ZKSCAN8: variants seen among roughly 807,000 people sequenced by gnomAD.
The protein encoded by ZKSCAN8 is zinc finger protein with KRAB and SCAN domains 8.
A neutral mutation model predicts 57.2 loss-of-function variants in ZKSCAN8; 27 were observed. That is an observed-to-expected ratio of 0.47 (90% CI 0.35 to 0.65). The LOEUF (loss-of-function observed/expected upper bound fraction) is 0.65, where lower values mean the gene tolerates loss of function less well. Among genes scored for constraint, ZKSCAN8 ranks in the 30% least tolerant of loss-of-function variants. ZKSCAN8 has a pLI of 0.01. For missense variants in ZKSCAN8, 597 were observed against 696.3 expected, an observed-to-expected ratio of 0.86 and a Z score of 1.60; for synonymous variants, 214 against 248.7, an observed-to-expected ratio of 0.86 and a Z score of 1.31.
chr6:28,153,403 G>A lies in ZKSCAN8; in HGVS notation c.1123G>A (p.Val375Ile). Residue 375 changes from valine (V) to isoleucine (I), a missense_variant, in exon 6 of 6, where the codon GTA becomes ATA. Val to Ile is a conservative substitution (Grantham distance 29). Transcript: ENST00000330236. Reference sequence around the variant, plus strand: ...TTCACATCAGGATATCCACAACAAAGTAAAACGCTATCACTGTAAGGAGTG... The same window carrying A: ...TTCACATCAGGATATCCACAACAAAATAAAACGCTATCACTGTAAGGAGTG... ...LLSHQDIHNK[V>I]KRYHCKECGK... The A allele has an allele frequency of 6.2e-7, 1 of 1,614,112 alleles. No homozygotes were observed. The highest frequency in any genetic ancestry group is 1.1e-5 in the South Asian group (1 of 91,086).
At chr6:28,149,051 G>A (rs1324352854) in intron 2 of ZKSCAN8, among the ~76,000 whole-genome samples, 2 of 152,116 alleles carry the variant, frequency 1.3e-5, no homozygotes, top group East Asian at 3.9e-4. Context: ...TATTGTTCTT[G>A]TTTGCCAGAT....
Position 28,157,247 on chromosome 6 carries a change from C to T in ZKSCAN8, c.*3230C>T, listed in dbSNP as rs1052149454. On this transcript the variant is annotated 3_prime_UTR_variant, in exon 6 of 6. Transcript: ENST00000330236. ...CGTCCGATCTTGTGAGACTTATTCACTATCACAAGAACAGCACAGGAAAGT... is the reference window on the plus strand; with the variant it reads ...CGTCCGATCTTGTGAGACTTATTCATTATCACAAGAACAGCACAGGAAAGT... 1 of 152,180 alleles carries T rather than the reference C, an allele frequency of 6.6e-6. No homozygotes were observed. Among genetic ancestry groups the T allele is most frequent in the East Asian group, 1.9e-4 (1 of 5,198 alleles). 9.4% of individuals were successfully genotyped at this position (152,180 alleles called of 1,614,324 possible).
At chr6:28,152,924 A>G in intron 5 of ZKSCAN8, 132 bp from the exon 6 acceptor site, 1 of 1,271,216 alleles carries the variant, frequency 7.9e-7, no homozygotes, top group African/African-American at 1.5e-5. Flanking sequence ...TATTTTGGAG[A>G]CAGAAGTTTT....
rs1022093007 is a variant in ZKSCAN8, at chr6:28,156,762, C to T, written c.*2745C>T. On this transcript the variant is annotated 3_prime_UTR_variant, in exon 6 of 6. Coordinates refer to ENST00000330236, the MANE Select transcript of ZKSCAN8 (RefSeq NM_006298.4). ...TACTTTCTCCTCCCATCCTAAGCTT[C>T]TCATTTTAGGAACTGACATGATAAG... 6.6e-6 allele frequency: 1 copy of T among 152,218 alleles called. No individual in the cohort carries two copies. The highest frequency in any genetic ancestry group is 1.5e-5 in the Non-Finnish European group (1 of 68,046). 9.4% of individuals were successfully genotyped at this position (152,218 alleles called of 1,614,324 possible). A position where few individuals can be genotyped will look rare whatever the true frequency, so the allele number is the denominator to read the frequency against.
Position 28,156,787 on chromosome 6 carries a change from G to A in ZKSCAN8, c.*2770G>A, listed in dbSNP as rs1198835938. 6.6e-6 allele frequency: 1 copy of A among 152,170 alleles called. No individual in the cohort carries two copies. The highest frequency in any genetic ancestry group is 2.4e-5 in the African/African-American group (1 of 41,440). 9.4% of individuals were successfully genotyped at this position (152,170 alleles called of 1,614,324 possible). A position where few individuals can be genotyped will look rare whatever the true frequency, so the allele number is the denominator to read the frequency against. On this transcript the variant is annotated 3_prime_UTR_variant, in exon 6 of 6. Coordinates refer to ENST00000330236, the MANE Select transcript of ZKSCAN8 (RefSeq NM_006298.4). The stretch of plus-strand genomic sequence containing the variant: ...CTCATTTTAGGAACTGACATGATAA[G>A]GTGGTTCTTTCATAACTCTAATGCC...
chr6:28,151,989 G>A (rs936367644), intron 4 of ZKSCAN8, 53 bp downstream of exon 4: 1 of 1,583,440 alleles, frequency 6.3e-7, no homozygotes, highest in Non-Finnish European at 8.7e-7. Context: ...GTCAGTGTTT[G>A]TGGCATCTGC....
At position 28,159,252 on chromosome 6, in the gene ZKSCAN8, C is replaced by A. The variant is rs914004478; in HGVS notation, c.*5235C>A. On this transcript the variant is annotated 3_prime_UTR_variant, in exon 6 of 6. Coordinates refer to ENST00000330236, the MANE Select transcript of ZKSCAN8 (RefSeq NM_006298.4). ...TCAGCACTTATCTTTTGAGTTTGTA[C>A]TGTGGTCCATGTACTTACTAATATG... is the stretch of plus-strand genomic sequence containing the variant. 20 of 151,188 alleles carry A rather than the reference C, an allele frequency of 1.3e-4. No homozygotes were observed. Among genetic ancestry groups the A allele is most frequent in the Non-Finnish European group, 2.7e-4 (18 of 67,864 alleles). The allele number at this position is 151,188 out of a possible 1,614,324, so 9.4% of individuals were successfully genotyped here.
rs766902901 is a variant in ZKSCAN8, at chr6:28,148,472, T to C, written c.65T>C (p.Leu22Pro). The change falls in exon 2 of 6, where the codon CTT becomes CCT. Residue 22 changes from leucine to proline, a missense_variant. By Grantham distance (98) the Leu-to-Pro change is moderately conservative. Coordinates refer to ENST00000330236, the MANE Select transcript of ZKSCAN8 (RefSeq NM_006298.4). ...CCAGACCAGACTCCTGAAGAGGATC[T>C]TGTAATCGTCAAGGTAGAGGAGGAT... ...SPPDQTPEED[L>P]VIVKVEEDHG... The C allele has an allele frequency of 6.2e-7, 1 of 1,614,122 alleles. No individual in the cohort carries two copies. Among genetic ancestry groups the C allele is most frequent in the Admixed American group, 1.7e-5 (1 of 60,010 alleles).
intron 1 of ZKSCAN8, among the ~76,000 whole-genome samples, chr6:28,143,627 AATAG>A (rs1235642088): frequency 1.3e-5 from 2 of 152,148 alleles, no homozygotes; most frequent in Non-Finnish European, 2.9e-5. Context: ...ATTGCTCAGT[AATAG>A]ATGGCCAGTT....
At position 28,154,035 on chromosome 6, in the gene ZKSCAN8, G is replaced by A. The variant is rs577076151; in HGVS notation, c.*18G>A. On this transcript the variant is annotated 3_prime_UTR_variant, in exon 6 of 6. Coordinates refer to ENST00000330236, the MANE Select transcript of ZKSCAN8 (RefSeq NM_006298.4). ...GCGTTTAGGAACAACATCAGTTAGA[G>A]TTTGAGCATTATTCAGCATTAGGGA... 1 of 1,564,450 alleles carries A rather than the reference G, an allele frequency of 6.4e-7. No homozygotes were observed. The highest frequency in any genetic ancestry group is 1.4e-5 in the African/African-American group (1 of 73,316).
chr6:28,146,007 G>C (rs1765381721), intron 1 of ZKSCAN8, among the ~76,000 whole-genome samples: 1 of 152,156 alleles, frequency 6.6e-6, no homozygotes, highest in Non-Finnish European at 1.5e-5. Flanking sequence ...TGGGAAAAAA[G>C]CATAACCAAA....
rs1335446269 is a variant in ZKSCAN8, at chr6:28,153,193, C to T, written c.913C>T (p.Leu305Phe). The change falls in exon 6 of 6, where the codon CTT becomes TTT. Residue 305 changes from leucine (L) to phenylalanine (F), a missense_variant. By Grantham distance (22) the Leu-to-Phe change is conservative (BLOSUM62 0). Transcript: ENST00000330236. ...TCTTGAGCATGAAGAAGCCCGAGAC[C>T]TTCTGGGCAGATTAGAGAGGCAGCG... ...RGLEHEEARD[L>F]LGRLERQRGN... 1.2e-6 allele frequency: 2 copies of T among 1,614,150 alleles called. No individual in the cohort carries two copies. The highest frequency in any genetic ancestry group is 3.3e-5 in the Admixed American group (2 of 60,008).
chr6:28,148,280 G>A (rs1472614098), intron 1 of ZKSCAN8, 36 bp from the exon 2 acceptor site: 2 of 1,004,060 alleles, frequency 2.0e-6, no homozygotes, highest in African/African-American at 3.3e-5. Flanking sequence ...AATGACTTTT[G>A]ACTTGCCTTA....
chr6:28,150,439 T>C (rs1246168268), intron 3 of ZKSCAN8, among the ~76,000 whole-genome samples: 2 of 152,198 alleles, frequency 1.3e-5, no homozygotes, highest in Non-Finnish European at 2.9e-5. Context: ...TGTCCTATTA[T>C]TGGTGGTGTT....
rs762291804 is a variant in ZKSCAN8, at chr6:28,152,379, C to T, written c.770C>T (p.Ser257Phe). 1.2e-6 allele frequency: 2 copies of T among 1,607,182 alleles called. No homozygotes were observed. Among genetic ancestry groups the T allele is most frequent in the East Asian group, 2.2e-5 (1 of 44,822 alleles). ...CCAGAAAATTTCAGAAACATGTTCT[C>T]CCTGGGTAAGGAGAGGTGTGGTTAT... ...NRPENFRNMF[S>F]LGGETRSENR... The change falls in exon 5 of 6, where the codon TCC becomes TTC. Residue 257 changes from serine (S) to phenylalanine (F), a missense_variant. Transcript: ENST00000330236.
At chr6:28,153,002 A>G (rs1765643992) in intron 5 of ZKSCAN8, 54 bp from the exon 6 acceptor site, 5 of 1,586,116 alleles carry the variant, frequency 3.2e-6, no homozygotes, top group Non-Finnish European at 4.3e-6. Flanking sequence ...CTCCTAGCAT[A>G]AAGAATAGGT....
intron 1 of ZKSCAN8, among the ~76,000 whole-genome samples, chr6:28,143,293 T>TA (rs1339931119): frequency 1.3e-5 from 2 of 152,060 alleles, no homozygotes; most frequent in Non-Finnish European, 2.9e-5. Flanking sequence ...GGAAGAGACT[T>TA]AAAAAAATGG....
chr6:28,157,313 C>T lies in ZKSCAN8; in HGVS notation c.*3296C>T, dbSNP rs1765816667. 1 of 152,192 alleles carries T rather than the reference C, an allele frequency of 6.6e-6. No homozygotes were observed. Among genetic ancestry groups the T allele is most frequent in the Non-Finnish European group, 1.5e-5 (1 of 68,038 alleles). 9.4% of individuals were successfully genotyped at this position (152,192 alleles called of 1,614,324 possible). A position where few individuals can be genotyped will look rare whatever the true frequency, so the allele number is the denominator to read the frequency against. ...CAATTACCTCCCACTTGGTCCCACC[C>T]ACGACACGTGGGAATTGTGGGAGCT... On this transcript the variant is annotated 3_prime_UTR_variant, in exon 6 of 6. Coordinates refer to ENST00000330236, the MANE Select transcript of ZKSCAN8 (RefSeq NM_006298.4).
rs932877959 is a variant in ZKSCAN8, at chr6:28,154,135, A to G, written c.*118A>G. On this transcript the variant is annotated 3_prime_UTR_variant, in exon 6 of 6. Coordinates refer to ENST00000330236, the MANE Select transcript of ZKSCAN8 (RefSeq NM_006298.4). Reference sequence around the variant, plus strand: ...CATCACAACTTTAGTGTCAGAATCTATAGTGGTGGCAAAGTTAGGATAGCT... The same window carrying G: ...CATCACAACTTTAGTGTCAGAATCTGTAGTGGTGGCAAAGTTAGGATAGCT... 2.8e-6 allele frequency: 4 copies of G among 1,433,854 alleles called. No homozygotes were observed. In the African/African-American group the frequency reaches 5.7e-5, roughly 20 times the overall value. The allele number at this position is 1,433,854 out of a possible 1,614,324, so 88.8% of individuals were successfully genotyped here.
Sources: gnomAD v4.1 joint callset for allele counts (sites outside exome capture counted in the v4.1 genomes callset) on GRCh38, gnomAD v4.1.1 for gene constraint, MANE v1.5 for transcripts, NCBI Gene and HGNC (gene_info 2026-07-23, HGNC 2026-07-21) for gene names.